The following ZNF804B variants were observed in gnomAD, a reference collection of about 807,000 sequenced individuals.
ZNF804B encodes the protein zinc finger protein 804B, also known as zinc finger 804B.
ZNF804B carries 80 observed loss-of-function variants against 101.4 expected under a neutral mutation model. The ratio of observed to expected loss-of-function variants is 0.79; its 90% CI spans 0.66 to 0.95. The LOEUF (loss-of-function observed/expected upper bound fraction) is 0.95. ZNF804B is among the 40% of genes least tolerant of loss of function. The pLI, the probability that ZNF804B is intolerant of heterozygous loss-of-function variation, is 0.00. For synonymous variants in ZNF804B, 622 were observed against 558.8 expected, an observed-to-expected ratio of 1.11 and a Z score of -1.59; for missense variants, 1,673 against 1,561.9, an observed-to-expected ratio of 1.07 and a Z score of -1.20.
At chr7:89,091,455 A>G (rs2116325987) in intron 1 of ZNF804B, among the ~76,000 whole-genome samples, 1 of 152,270 alleles carries the variant, frequency 6.6e-6, no homozygotes, top group African/African-American at 2.4e-5. Context: ...AGAGCTTTGA[A>G]TGAATACTGG....
chr7:89,005,325 C>A (rs1788356096), intron 1 of ZNF804B, among the ~76,000 whole-genome samples: 2 of 151,952 alleles, frequency 1.3e-5, no homozygotes, highest in African/African-American at 4.8e-5. Context: ...CAGTGTATAT[C>A]ACAGAGAACA....
chr7:89,067,370 C>T (rs1299817497), intron 1 of ZNF804B, among the ~76,000 whole-genome samples: 1 of 152,138 alleles, frequency 6.6e-6, no homozygotes, highest in Non-Finnish European at 1.5e-5. Context: ...AGGATAATCT[C>T]CTTCATTTAG....
intron 2 of ZNF804B, among the ~76,000 whole-genome samples, chr7:89,260,433 A>T (rs1197997166): frequency 6.6e-6 from 1 of 151,842 alleles, no homozygotes; most frequent in African/African-American, 2.4e-5. Flanking sequence ...TCTTAATGGG[A>T]TCTGGGAATT....
chr7:88,770,825 G>A (rs1158848842), intron 1 of ZNF804B, among the ~76,000 whole-genome samples: 2 of 152,136 alleles, frequency 1.3e-5, no homozygotes, highest in African/African-American at 4.8e-5. Flanking sequence ...GAGACAGCTG[G>A]TAAATTTCAT....
chr7:88,838,780 T>C (rs1791253377), intron 1 of ZNF804B, among the ~76,000 whole-genome samples: 1 of 151,956 alleles, frequency 6.6e-6, no homozygotes, highest in African/African-American at 2.4e-5. Context: ...TGTAAAGAAC[T>C]TTTGTGAGTT....
chr7:89,040,358 C>A (rs1788997819), intron 1 of ZNF804B, among the ~76,000 whole-genome samples: 1 of 151,714 alleles, frequency 6.6e-6, no homozygotes, highest in Admixed American at 6.6e-5. Flanking sequence ...CTCACTAGTT[C>A]TTGCTTCTAC....
Position 89,162,063 on chromosome 7 carries a change from T to G in ZNF804B, c.109-56092T>G, listed in dbSNP as rs146801745. On this transcript the variant is annotated intron_variant, in intron 1 of 3. Coordinates refer to ENST00000333190, the MANE Select transcript of ZNF804B (RefSeq NM_181646.5). ...TTGAAAAGCTAATAATATTCTTCAC[T>G]CTCTAGTTTAAGATTAGTATCTGTA... 6.1e-3 allele frequency among the ~76,000 whole-genome samples: 928 copies of G among 152,244 alleles called. 10 individuals carry two copies. Among genetic ancestry groups the G allele is most frequent in the African/African-American group, 0.021 (892 of 41,550 alleles).
chr7:88,927,382 A>G (rs1425835155), intron 1 of ZNF804B, among the ~76,000 whole-genome samples: 1 of 152,194 alleles, frequency 6.6e-6, no homozygotes, highest in African/African-American at 2.4e-5. Flanking sequence ...TTGTGGTTTG[A>G]TCTGAGAGGC....
At chr7:88,891,738 T>C (rs1395788919) in intron 1 of ZNF804B, among the ~76,000 whole-genome samples, 3 of 152,084 alleles carry the variant, frequency 2.0e-5, no homozygotes, top group Admixed American at 6.6e-5. Flanking sequence ...TTTTTGAATT[T>C]TGATGTTTCT....
chr7:89,331,443 C>T, intron 3 of ZNF804B, among the ~76,000 whole-genome samples: 1 of 151,586 alleles, frequency 6.6e-6, no homozygotes, highest in East Asian at 1.9e-4. Flanking sequence ...TAATGAACAT[C>T]AAAAATTTAC....
intron 1 of ZNF804B, among the ~76,000 whole-genome samples, chr7:88,943,035 T>A (rs1326704506): frequency 1.3e-5 from 2 of 151,936 alleles, no homozygotes; most frequent in Admixed American, 6.6e-5. Flanking sequence ...TGATGTATTC[T>A]ACCATTGTTA....
intron 1 of ZNF804B, among the ~76,000 whole-genome samples, chr7:88,867,729 T>TA (rs1046765272): frequency 1.3e-5 from 2 of 152,092 alleles, no homozygotes; most frequent in African/African-American, 2.4e-5. Flanking sequence ...ACAATAACAA[T>TA]AAAAAAGCAC....
At chr7:89,207,576 A>T (rs1028795694) in intron 1 of ZNF804B, among the ~76,000 whole-genome samples, 12 of 152,026 alleles carry the variant, frequency 7.9e-5, no homozygotes, top group Non-Finnish European at 1.5e-4. Flanking sequence ...AATATCAGTT[A>T]GTATATTGTA....
At chr7:89,017,143 C>T (rs958776160) in intron 1 of ZNF804B, among the ~76,000 whole-genome samples, 3 of 151,938 alleles carry the variant, frequency 2.0e-5, no homozygotes, top group South Asian at 2.1e-4. Flanking sequence ...TGTTTGTCTG[C>T]TATTGGTGTA....
chr7:89,331,062 G>A (rs917316012), intron 3 of ZNF804B, among the ~76,000 whole-genome samples: 5 of 151,438 alleles, frequency 3.3e-5, no homozygotes, highest in Non-Finnish European at 5.9e-5. Flanking sequence ...ATGGAATTGG[G>A]AAAGGAAGAA....
chr7:88,934,637 A>G (rs892919231), intron 1 of ZNF804B, among the ~76,000 whole-genome samples: 1 of 152,060 alleles, frequency 6.6e-6, no homozygotes, highest in Non-Finnish European at 1.5e-5. Context: ...ATAAGAAAAA[A>G]CATGCTAAAC....
At chr7:88,812,746 C>T (rs1281219538) in intron 1 of ZNF804B, among the ~76,000 whole-genome samples, 1 of 152,070 alleles carries the variant, frequency 6.6e-6, no homozygotes, top group Non-Finnish European at 1.5e-5. Flanking sequence ...CTGTCACACA[C>T]TACAACACGA....
intron 1 of ZNF804B, among the ~76,000 whole-genome samples, chr7:88,893,406 C>A (rs187473754): frequency 7.4e-4 from 113 of 151,818 alleles, no homozygotes; most frequent in Non-Finnish European, 1.4e-3. Flanking sequence ...TATATAAACC[C>A]TTTAAAATTA....
intron 1 of ZNF804B, among the ~76,000 whole-genome samples, chr7:88,770,612 C>T (rs1397351262): frequency 6.6e-6 from 1 of 152,050 alleles, no homozygotes; most frequent in Non-Finnish European, 1.5e-5. Context: ...TGAATATTTC[C>T]AATGGTGTGG....
Sources: allele counts gnomAD v4.1 joint callset (sites outside exome capture counted in the v4.1 genomes callset), GRCh38; gene constraint gnomAD v4.1.1; transcripts MANE v1.5; gene names NCBI Gene and HGNC (gene_info 2026-07-23, HGNC 2026-07-21).